The following TEX2 variants were observed in gnomAD, a reference collection of about 807,000 sequenced individuals.
TEX2 encodes the protein testis expressed 2, also known as testis-expressed protein 2.
TEX2 carries 53 observed loss-of-function variants against 106.9 expected under a neutral mutation model. That is an observed-to-expected ratio of 0.50 (90% confidence interval 0.40 to 0.62). The LOEUF is 0.62. TEX2 is among the 20% of genes least tolerant of loss of function. The pLI, the probability that TEX2 is intolerant of heterozygous loss-of-function variation, is 0.00. For missense variants in TEX2, 1,207 were observed against 1,379.0 expected (o/e 0.88, Z 1.98); for synonymous variants, 523 against 534.8 (o/e 0.98, Z 0.30).
At chr17:64,190,132 C>T (rs2032240438) in intron 4 of TEX2, among the ~76,000 whole-genome samples, 1 of 152,122 alleles carries the variant, frequency 6.6e-6, no homozygotes, top group African/African-American at 2.4e-5. Context: ...AAATTTTAGC[C>T]AGATAATTTC....
Position 64,196,177 on chromosome 17 carries a change from C to T in TEX2, c.1645-1082G>A, listed in dbSNP as rs1232660170. Among the ~76,000 whole-genome samples the T allele has an allele frequency of 4.6e-5, 7 of 152,308 alleles. No individual in the cohort carries two copies. The South Asian group carries it at 1.2e-3, about 27-fold the overall frequency. ...TCTTTCATTCATCCTTTTATTAAAA[C>T]ACGCATTGAATCTATGTGCGAAGCA... is the stretch of plus-strand genomic sequence containing the variant. On this transcript the variant is annotated intron_variant, in intron 2 of 11. Transcript: ENST00000584379.
intron 1 of TEX2, among the ~76,000 whole-genome samples, chr17:64,238,236 T>C (rs1555635350): frequency 6.6e-6 from 1 of 152,080 alleles, no homozygotes; most frequent in African/African-American, 2.4e-5. Context: ...GAGGTGGAGG[T>C]TGCAGTGAGC....
intron 7 of TEX2, among the ~76,000 whole-genome samples, chr17:64,170,475 C>T (rs955547408): frequency 8.5e-5 from 13 of 152,176 alleles, no homozygotes; most frequent in African/African-American, 3.1e-4. Flanking sequence ...GAAATCCAGC[C>T]ACTGCCTCAT....
intron 1 of TEX2, among the ~76,000 whole-genome samples, chr17:64,220,905 C>T (rs1479377337): frequency 3.3e-5 from 5 of 152,108 alleles, no homozygotes; most frequent in Non-Finnish European, 5.9e-5. Flanking sequence ...TGCACACATA[C>T]GTTCACTGCA....
At chr17:64,207,471 T>C (rs1261093739) in intron 2 of TEX2, among the ~76,000 whole-genome samples, 1 of 152,194 alleles carries the variant, frequency 6.6e-6, no homozygotes, top group Non-Finnish European at 1.5e-5. Flanking sequence ...CCCTCAAGAA[T>C]TGCACCATCT....
intron 1 of TEX2, among the ~76,000 whole-genome samples, chr17:64,260,397 G>A (rs1446541227): frequency 4.6e-5 from 7 of 152,156 alleles, no homozygotes; most frequent in African/African-American, 1.4e-4. Flanking sequence ...TCAAACCCTT[G>A]GCCTCAAGTA....
At position 64,259,583 on chromosome 17, in the gene TEX2, T is replaced by C. The variant is rs112242003; in HGVS notation, c.-26+3585A>G. Among the ~76,000 whole-genome samples, 3 of 152,208 alleles carry C rather than the reference T, an allele frequency of 2.0e-5. No homozygotes were observed. The South Asian group carries it at 6.2e-4, about 32-fold the overall frequency. On this transcript the variant is annotated intron_variant, in intron 1 of 11. Coordinates refer to ENST00000584379, the MANE Select transcript of TEX2 (RefSeq NM_001288732.2). ...ACAGGGACAAGAGTCAGCCAAAGGA[T>C]AGTGCTCTAGGCAAATTGGAAAATG...
chr17:64,149,340 A>T, intron 11 of TEX2: 1 of 441,364 alleles, frequency 2.3e-6, no homozygotes, highest in Middle Eastern at 6.3e-4. Flanking sequence ...TTTTGTATAC[A>T]TATAATAAGG....
chr17:64,259,948 G>A (rs916107670), intron 1 of TEX2, among the ~76,000 whole-genome samples: 1 of 152,164 alleles, frequency 6.6e-6, no homozygotes, highest in Non-Finnish European at 1.5e-5. Context: ...AAATTACACT[G>A]TCTTAGCATT....
At chr17:64,248,009 A>G (rs2034022760) in intron 1 of TEX2, among the ~76,000 whole-genome samples, 1 of 152,194 alleles carries the variant, frequency 6.6e-6, no homozygotes, top group African/African-American at 2.4e-5. Context: ...GGCAAGACAG[A>G]GACAGCATGT....
chr17:64,235,718 CCT>C (rs2033752125), intron 1 of TEX2, among the ~76,000 whole-genome samples: 1 of 152,142 alleles, frequency 6.6e-6, no homozygotes, highest in African/African-American at 2.4e-5. Context: ...CTAGGTCATC[CCT>C]GAGTATGACC....
At chr17:64,158,409 C>T (rs1000762046) in intron 8 of TEX2, among the ~76,000 whole-genome samples, 1 of 152,206 alleles carries the variant, frequency 6.6e-6, no homozygotes, top group African/African-American at 2.4e-5. Context: ...GGAGTGAAGC[C>T]CTGGACAGGT....
intron 2 of TEX2, among the ~76,000 whole-genome samples, chr17:64,198,173 C>T (rs1170322515): frequency 6.6e-6 from 1 of 151,600 alleles, no homozygotes; most frequent in East Asian, 1.9e-4. Flanking sequence ...AAAATGCATT[C>T]TGCTGTTGAG....
chr17:64,222,991 G>A (rs1230364254), intron 1 of TEX2, among the ~76,000 whole-genome samples: 2 of 152,158 alleles, frequency 1.3e-5, no homozygotes, highest in Non-Finnish European at 2.9e-5. Flanking sequence ...TCCCTATGAA[G>A]AAGTTCATCT....
chr17:64,229,780 CT>C (rs1488299327), intron 1 of TEX2, among the ~76,000 whole-genome samples: 1 of 152,134 alleles, frequency 6.6e-6, no homozygotes, highest in African/African-American at 2.4e-5. Flanking sequence ...CTATAATAAA[CT>C]GTAAAGCATT....
intron 1 of TEX2, chr17:64,239,106 A>C (rs1214171317): frequency 6.6e-6 from 1 of 152,208 alleles, no homozygotes; most frequent in East Asian, 1.9e-4. Context: ...TGGCATAACT[A>C]CTAATAAGGG....
chr17:64,213,883 T>C lies in TEX2; in HGVS notation c.335A>G (p.Asn112Ser). The C allele has an allele frequency of 6.2e-7, 1 of 1,614,180 alleles. No individual in the cohort carries two copies. The highest frequency in any genetic ancestry group is 8.5e-7 in the Non-Finnish European group (1 of 1,180,024). The change falls in exon 2 of 12, where the codon AAC becomes AGC. Residue 112 changes from asparagine to serine, a missense_variant. By Grantham distance (46) the Asn-to-Ser change is conservative (BLOSUM62 1). Around this residue, in one of 3 missense-constraint regions of TEX2, gnomAD observed 1,067 missense variants for 1,193.6 expected, o/e 0.89. Coordinates refer to ENST00000584379, the MANE Select transcript of TEX2 (RefSeq NM_001288732.2). This position sits in a 1 kb window ranked among gnomAD's most constrained non-coding sequence, Gnocchi z 4.4. ...AGGGGACTCCAACAGCTTTACAGTG[T>C]TCTTGGAGACGGGCAAAATGGCAGG... Reference protein sequence around the residue: ...QAPAILPVSKNTVKLLESPVP... With the variant: ...QAPAILPVSKSTVKLLESPVP...
intron 5 of TEX2, among the ~76,000 whole-genome samples, chr17:64,182,203 G>C (rs1448079119): frequency 6.6e-6 from 1 of 152,132 alleles, no homozygotes; most frequent in Non-Finnish European, 1.5e-5. Context: ...GAGGTCATTA[G>C]GCTAAGTGAA....
chr17:64,225,798 A>T (rs2033489871), intron 1 of TEX2, among the ~76,000 whole-genome samples: 1 of 152,032 alleles, frequency 6.6e-6, no homozygotes, highest in Non-Finnish European at 1.5e-5. Context: ...GCTCACTCCA[A>T]CCTCTACCTC....
Sources: gnomAD v4.1 joint callset for allele counts (sites outside exome capture counted in the v4.1 genomes callset) on GRCh38, gnomAD v4.1.1 for gene constraint, gnomAD v4.1.1 regional missense constraint, Gnocchi (gnomAD v3.1) non-coding constraint, MANE v1.5 for transcripts, NCBI Gene and HGNC (gene_info 2026-07-23, HGNC 2026-07-21) for gene names.